The following MITF variants were observed in gnomAD, a reference collection of about 807,000 sequenced individuals.
MITF encodes microphthalmia-associated transcription factor.
Under a neutral mutation model 60.5 loss-of-function variants are expected in MITF, and 17 were observed. The ratio of observed to expected loss-of-function variants is 0.28; its 90% confidence interval spans 0.19 to 0.42. The LOEUF is 0.42. MITF is among the 10% of genes least tolerant of loss of function. The pLI is 1.00. For missense variants in MITF, 622 were observed against 683.5 expected, an observed-to-expected ratio of 0.91 and a Z score of 1.00; for synonymous variants, 260 against 248.5, an observed-to-expected ratio of 1.05 and a Z score of -0.43.
Position 69,739,619 on chromosome 3 carries a change from G to T in MITF, c.22G>T (p.Val8Leu). The T allele has an allele frequency of 6.3e-7, 1 of 1,580,306 alleles. No individual in the cohort carries two copies. Among genetic ancestry groups the T allele is most frequent in the Non-Finnish European group, 8.6e-7 (1 of 1,161,358 alleles). ...AGCCATGCAGTCCGAATCGGGGATC[G>T]TGCCGGATTTCGAAGTCGGGGAGGA... MQSESGI[V>L]PDFEVGEEFH... Residue 8 changes from valine (V) to leucine (L), a missense_variant, in exon 1 of 10, where the codon GTG (valine) becomes TTG (leucine). Transcript: ENST00000352241.
At chr3:69,836,096 G>A (rs2063536046) in intron 1 of MITF, among the ~76,000 whole-genome samples, 1 of 151,956 alleles carries the variant, frequency 6.6e-6, no homozygotes, top group African/African-American at 2.4e-5. Context: ...AATTCTTTCG[G>A]TTCATGGACA....
chr3:69,888,321 C>A (rs917675484), intron 2 of MITF, among the ~76,000 whole-genome samples: 1 of 151,978 alleles, frequency 6.6e-6, no homozygotes. Context: ...GTAGTTCAGA[C>A]TGCCTAAAGG....
At chr3:69,935,088 T>C (rs572118186) in intron 2 of MITF, among the ~76,000 whole-genome samples, 1 of 152,338 alleles carries the variant, frequency 6.6e-6, no homozygotes, top group East Asian at 1.9e-4. Context: ...TCACTACTCC[T>C]TATTACCTTC....
At chr3:69,901,213 C>CAA (rs201494705) in intron 2 of MITF, among the ~76,000 whole-genome samples, 29 of 75,168 alleles carry the variant, frequency 3.9e-4, no homozygotes, top group African/African-American at 5.5e-4. Flanking sequence ...TGTGATTTTT[C>CAA]AAAAAAAAAA....
chr3:69,793,377 T>C (rs979773710), intron 1 of MITF, among the ~76,000 whole-genome samples: 4 of 152,090 alleles, frequency 2.6e-5, no homozygotes, highest in Non-Finnish European at 5.9e-5. Flanking sequence ...CTATGCTGTA[T>C]AGTGAAGGAT....
At chr3:69,959,057 G>C (rs963339177) in intron 8 of MITF, among the ~76,000 whole-genome samples, 3 of 151,908 alleles carry the variant, frequency 2.0e-5, no homozygotes. Flanking sequence ...TACACGTTGG[G>C]TACAGTGTAC....
At chr3:69,959,096 C>T (rs1310268349) in intron 8 of MITF, among the ~76,000 whole-genome samples, 177 bp from the exon 9 acceptor site, 2 of 151,916 alleles carry the variant, frequency 1.3e-5, no homozygotes, top group Non-Finnish European at 2.9e-5. Context: ...GTACCAAAAT[C>T]GCAAAAATCA....
intron 1 of MITF, chr3:69,866,319 T>C: frequency 6.2e-7 from 1 of 1,613,916 alleles, no homozygotes; most frequent in Non-Finnish European, 8.5e-7. Context: ...CAGATGTTCA[T>C]GCCATGCTCC....
intron 1 of MITF, among the ~76,000 whole-genome samples, chr3:69,800,739 TA>T (rs558398354): frequency 1.0e-3 from 158 of 151,738 alleles, no homozygotes; most frequent in Non-Finnish European, 2.0e-3. Context: ...CCTTTTCATT[TA>T]AAAAAAAATT....
chr3:69,893,969 G>A (rs1469180557), intron 2 of MITF, among the ~76,000 whole-genome samples: 2 of 152,152 alleles, frequency 1.3e-5, no homozygotes, highest in Non-Finnish European at 2.9e-5. Flanking sequence ...TGTGGAAAGT[G>A]GTAAAAATTG....
chr3:69,910,756 T>G (rs2065206714), intron 2 of MITF, among the ~76,000 whole-genome samples: 1 of 152,190 alleles, frequency 6.6e-6, no homozygotes, highest in South Asian at 2.1e-4. Context: ...TTGGAACAGC[T>G]GTATTTACCC....
chr3:69,772,918 T>C (rs2062414907), intron 1 of MITF, among the ~76,000 whole-genome samples: 1 of 152,188 alleles, frequency 6.6e-6, no homozygotes, highest in African/African-American at 2.4e-5. Context: ...TTTGTATTCA[T>C]GGAACTTACA....
At chr3:69,861,653 A>T (rs1170028546) in intron 1 of MITF, among the ~76,000 whole-genome samples, 1 of 152,152 alleles carries the variant, frequency 6.6e-6, no homozygotes, top group African/African-American at 2.4e-5. Flanking sequence ...GTTTCTCTGG[A>T]GTGAACGCCT....
intron 9 of MITF, among the ~76,000 whole-genome samples, chr3:69,959,641 G>A (rs563533490): frequency 1.1e-4 from 17 of 152,298 alleles, no homozygotes; most frequent in South Asian, 4.1e-4. Context: ...AGAGTGGCAC[G>A]TTTGAGCTGC....
intron 6 of MITF, among the ~76,000 whole-genome samples, chr3:69,949,845 T>C (rs1015846150): frequency 1.3e-5 from 2 of 152,140 alleles, no homozygotes; most frequent in African/African-American, 4.8e-5. Context: ...CCATGGTGAA[T>C]TTTATGGCCC....
intron 1 of MITF, among the ~76,000 whole-genome samples, chr3:69,848,733 C>T (rs147231033): frequency 8.5e-4 from 130 of 152,160 alleles, no homozygotes; most frequent in African/African-American, 2.8e-3. Context: ...CTGCTTCGCT[C>T]GTGATCTCTA....
intron 1 of MITF, among the ~76,000 whole-genome samples, chr3:69,823,660 T>C (rs567327743): frequency 2.6e-5 from 4 of 152,344 alleles, no homozygotes; most frequent in East Asian, 1.9e-4. Flanking sequence ...TGGATTATAG[T>C]TATTTTATTT....
chr3:69,781,884 G>A (rs921998709), intron 1 of MITF, among the ~76,000 whole-genome samples: 2 of 152,192 alleles, frequency 1.3e-5, no homozygotes, highest in African/African-American at 4.8e-5. Flanking sequence ...TTTTCTAAAT[G>A]TACTTTCTAC....
chr3:69,921,887 T>C (rs1406671522), intron 2 of MITF, among the ~76,000 whole-genome samples: 1 of 152,200 alleles, frequency 6.6e-6, no homozygotes, highest in Non-Finnish European at 1.5e-5. Context: ...GGCTGTCTTG[T>C]GCATCGTAGG....
Sources: allele counts gnomAD v4.1 joint callset (sites outside exome capture counted in the v4.1 genomes callset), GRCh38; gene constraint gnomAD v4.1.1; transcripts MANE v1.5; gene names NCBI Gene and HGNC (gene_info 2026-07-23, HGNC 2026-07-21).